Variants in DNAI2 observed in about 807,000 individuals in gnomAD.
The protein encoded by DNAI2 is dynein axonemal intermediate chain 2.
A neutral mutation model predicts 74.7 loss-of-function variants in DNAI2; 63 were observed. The observed-to-expected ratio is 0.84, with a 90% CI of 0.69 to 1.04. DNAI2 has a LOEUF of 1.04. Among genes scored for constraint, DNAI2 ranks in the 50% least tolerant of loss-of-function variants. DNAI2 has a pLI of 0.00. For synonymous variants in DNAI2, 289 were observed against 314.9 expected (o/e 0.92, Z 0.87); for missense variants, 688 against 803.2 (o/e 0.86, Z 1.73).
At chr17:74,291,750 C>T (rs1182241970) in intron 6 of DNAI2, among the ~76,000 whole-genome samples, 4 of 152,124 alleles carry the variant, frequency 2.6e-5, no homozygotes, top group Non-Finnish European at 5.9e-5. Context: ...CGTTGGGGAG[C>T]CCTATTTTGG....
At chr17:74,296,810 A>T (rs889202133) in intron 6 of DNAI2, among the ~76,000 whole-genome samples, 8 of 152,288 alleles carry the variant, frequency 5.3e-5, no homozygotes, top group African/African-American at 1.9e-4. Context: ...TTTCATCAGG[A>T]GTGCAGAATG....
chr17:74,309,849 G>C, intron 10 of DNAI2, 168 bp from the exon 11 acceptor site: 1 of 850,086 alleles, frequency 1.2e-6, no homozygotes, highest in Non-Finnish European at 1.9e-6. Context: ...GGGAAGCCAG[G>C]AGCCTTGACA....
intron 8 of DNAI2, among the ~76,000 whole-genome samples, chr17:74,302,789 C>T (rs1431727085): frequency 2.6e-5 from 4 of 152,168 alleles, no homozygotes; most frequent in Admixed American, 6.5e-5. Context: ...TTGTTTGCTT[C>T]GGGGTCATGG....
In DNAI2 at chr17:74,274,587, G is replaced by C. The variant is rs188822172; in HGVS notation, c.-12+242G>C. The stretch of plus-strand genomic sequence containing the variant: ...GGACCCTGCAGCCTCTGTACACCCT[G>C]CCTCATACCCTCCTACCCACTCAGG... On this transcript the variant is annotated intron_variant, in intron 1 of 13. Coordinates refer to ENST00000311014, the MANE Select transcript of DNAI2 (RefSeq NM_023036.6). Among the ~76,000 whole-genome samples, 686 of 152,220 alleles carry C rather than the reference G, an allele frequency of 4.5e-3. 2 individuals carry two copies. The highest frequency in any genetic ancestry group is 0.015 in the African/African-American group (636 of 41,524).
chr17:74,312,034 T>C lies in DNAI2; in HGVS notation c.1526T>C (p.Ile509Thr), dbSNP rs780557132. ...GAGCGTGAGACCCGGCGAGAGAAGA[T>C]CCTGGAGGCCAGGCACCGGGAGATG... ...MFERETRREK[I>T]LEARHREMRL... is the part of the protein sequence containing the mutation. Residue 509 changes from isoleucine to threonine, a missense_variant, in exon 12 of 14, where the codon ATC (isoleucine) becomes ACC (threonine). By Grantham distance (89) the Ile-to-Thr change is moderately conservative. Transcript: ENST00000311014. 2 of 1,611,790 alleles carry C rather than the reference T, an allele frequency of 1.2e-6. No individual in the cohort carries two copies. Among genetic ancestry groups the C allele is most frequent in the African/African-American group, 2.7e-5 (2 of 74,840 alleles).
chr17:74,287,152 G>A (rs563885920), intron 4 of DNAI2, 54 bp downstream of exon 4: 10 of 1,605,404 alleles, frequency 6.2e-6, no homozygotes, highest in African/African-American at 5.3e-5. Flanking sequence ...CCCATGCATG[G>A]GCGCCTCCAA....
intron 5 of DNAI2, 90 bp from the exon 6 acceptor site, chr17:74,290,930 C>T (rs2143950938): frequency 8.7e-7 from 1 of 1,148,858 alleles, no homozygotes; most frequent in South Asian, 1.2e-5. Flanking sequence ...CCACCATGCC[C>T]CCGCTACCCA....
intron 6 of DNAI2, among the ~76,000 whole-genome samples, chr17:74,293,440 A>G (rs1394919917): frequency 6.6e-6 from 1 of 151,922 alleles, no homozygotes; most frequent in Non-Finnish European, 1.5e-5. Context: ...TTTCATCTCA[A>G]AGTCTGTCTT....
intron 13 of DNAI2, 64 bp downstream of exon 13, chr17:74,314,335 C>T (rs930275727): frequency 1.9e-6 from 3 of 1,587,518 alleles, no homozygotes; most frequent in African/African-American, 2.7e-5. Context: ...GGGTGGTGGG[C>T]TGGGAGCATC....
chr17:74,282,172 T>C (rs1334624538), intron 2 of DNAI2, among the ~76,000 whole-genome samples, 172 bp downstream of exon 2: 2 of 152,118 alleles, frequency 1.3e-5, no homozygotes. Flanking sequence ...CACGCAGTGC[T>C]CAGGGTCAGA....
intron 12 of DNAI2, among the ~76,000 whole-genome samples, chr17:74,313,012 T>C (rs1384704564): frequency 2.0e-5 from 3 of 152,232 alleles, no homozygotes; most frequent in South Asian, 2.1e-4. Flanking sequence ...GACTTGGGGA[T>C]TGCAGGCACT....
chr17:74,281,243 A>T (rs1444795732), intron 1 of DNAI2, among the ~76,000 whole-genome samples: 1 of 152,126 alleles, frequency 6.6e-6, no homozygotes, highest in Non-Finnish European at 1.5e-5. Context: ...AATGCCTTCA[A>T]AGAAAATGGT....
At chr17:74,297,554 G>A (rs2052523317) in intron 6 of DNAI2, among the ~76,000 whole-genome samples, 1 of 151,332 alleles carries the variant, frequency 6.6e-6, no homozygotes, top group Non-Finnish European at 1.5e-5. Flanking sequence ...GCTAATTTTT[G>A]TATTTTTAAT....
intron 8 of DNAI2, among the ~76,000 whole-genome samples, chr17:74,304,669 C>G (rs951215016): frequency 1.3e-5 from 2 of 152,210 alleles, no homozygotes; most frequent in Non-Finnish European, 2.9e-5. Context: ...CCTCAAAGAG[C>G]TCACCCACCA....
At chr17:74,309,440 C>T (rs922449976) in intron 10 of DNAI2, 52 bp downstream of exon 10, 14 of 1,612,806 alleles carry the variant, frequency 8.7e-6, no homozygotes, top group East Asian at 2.2e-5. Context: ...AGCCAGGTCC[C>T]GGCGTGGGTG....
chr17:74,307,422 C>T (rs2053249469), intron 9 of DNAI2: 5 of 404,180 alleles, frequency 1.2e-5, no homozygotes, highest in Admixed American at 1.1e-4. Context: ...AATCCCAGCA[C>T]TTTGGGAGGC....
At chr17:74,304,510 G>A (rs1174194616) in intron 8 of DNAI2, among the ~76,000 whole-genome samples, 8 of 152,180 alleles carry the variant, frequency 5.3e-5, no homozygotes, top group Admixed American at 1.3e-4. Context: ...AGGGCATTGC[G>A]TGATGGAGGG....
Position 74,312,120 on chromosome 17 carries a change from G to A in DNAI2, c.1612G>A (p.Ala538Thr). Residue 538 changes from alanine (A) to threonine (T), a missense_variant, in exon 12 of 14, where the codon GCC becomes ACC. Ala to Thr is a moderately conservative substitution (Grantham distance 58). Transcript: ENST00000311014. ...TGAGGAGCAGACCGATGAGGAGCTGGCCGTAGACCTGGAGGCGCTGGTCAG... is the reference window on the plus strand; with the variant it reads ...TGAGGAGCAGACCGATGAGGAGCTGACCGTAGACCTGGAGGCGCTGGTCAG... ...RDEEQTDEEL[A>T]VDLEALVSKA... 6.2e-7 allele frequency: 1 copy of A among 1,613,786 alleles called. No individual in the cohort carries two copies. Among genetic ancestry groups the A allele is most frequent in the South Asian group, 1.1e-5 (1 of 91,056 alleles).
Position 74,301,029 on chromosome 17 carries a change from GC to G in DNAI2, c.865-13del. On this transcript the variant is annotated splice_polypyrimidine_tract_variant and intron_variant, in intron 7 of 13. Transcript: ENST00000311014. ...TACAGGGCCTCGAAGTCTCACTGTC[GC>G]CCCTCCTCCCACCAGGTCATGTGGT... 6.2e-7 allele frequency: 1 copy of G among 1,613,420 alleles called. No individual in the cohort carries two copies. Among genetic ancestry groups the G allele is most frequent in the Non-Finnish European group, 8.5e-7 (1 of 1,179,688 alleles).
Sources: allele counts gnomAD v4.1 joint callset (sites outside exome capture counted in the v4.1 genomes callset), GRCh38; gene constraint gnomAD v4.1.1; transcripts MANE v1.5; gene names NCBI Gene and HGNC (gene_info 2026-07-23, HGNC 2026-07-21).